The following NCKAP1L variants were observed in gnomAD, a reference collection of about 807,000 sequenced individuals.
NCKAP1L encodes nck-associated protein 1-like.
A neutral mutation model predicts 139.2 loss-of-function variants in NCKAP1L; 53 were observed. The ratio of observed to expected loss-of-function variants is 0.38; its 90% CI spans 0.31 to 0.48. The LOEUF (loss-of-function observed/expected upper bound fraction) is 0.48, where lower values mean the gene tolerates loss of function less well. Ranked by LOEUF, NCKAP1L falls within the 20% of genes least tolerant of loss-of-function variation. The probability of loss-of-function intolerance (pLI) is 0.98; values close to 1 mark genes in which losing one functional copy is unlikely to be tolerated. For synonymous variants in NCKAP1L, 468 were observed against 499.7 expected, an observed-to-expected ratio of 0.94 and a Z score of 0.85; for missense variants, 1,151 against 1,381.9, an observed-to-expected ratio of 0.83 and a Z score of 2.65.
intron 3 of NCKAP1L, among the ~76,000 whole-genome samples, chr12:54,506,883 G>A (rs1364417029): frequency 7.0e-6 from 1 of 142,942 alleles, no homozygotes. Context: ...CAGTGGAGAA[G>A]GCTAGGAACT....
intron 29 of NCKAP1L, among the ~76,000 whole-genome samples, chr12:54,537,635 A>G (rs1490405969): frequency 6.6e-6 from 1 of 152,214 alleles, no homozygotes; most frequent in Admixed American, 6.5e-5. Context: ...CTCTGTATGG[A>G]CAAATGATCA....
intron 26 of NCKAP1L, among the ~76,000 whole-genome samples, 192 bp from the exon 27 acceptor site, chr12:54,534,912 G>C (rs1478161630): frequency 6.6e-6 from 1 of 152,004 alleles, no homozygotes; most frequent in African/African-American, 2.4e-5. Flanking sequence ...TGAGGTAGGA[G>C]GATTTCTTGA....
chr12:54,526,563 C>A lies in NCKAP1L; in HGVS notation c.2192C>A (p.Thr731Asn). 6.2e-7 allele frequency: 1 copy of A among 1,614,008 alleles called. No homozygotes were observed. Among genetic ancestry groups the A allele is most frequent in the Non-Finnish European group, 8.5e-7 (1 of 1,179,994 alleles). The change falls in exon 21 of 31, where the codon ACC (threonine) becomes AAC (asparagine). Residue 731 changes from threonine (T) to asparagine (N), a missense_variant. Physicochemically the swap from Thr to Asn is moderately conservative, Grantham distance 65. Transcript: ENST00000293373. The stretch of plus-strand genomic sequence containing the variant: ...TGGCTGGCTGGCTACAATGCCACGA[C>A]CCAGGAGATCGTACGGCCTTCTGAG... ...IVWLAGYNAT[T>N]QEIVRPSELL...
rs2120994257 is a variant in NCKAP1L at position 54,545,995 on chromosome 12, A to C, written c.*3310A>C. On this transcript the variant is annotated 3_prime_UTR_variant, in exon 31 of 31. Coordinates refer to ENST00000293373, the MANE Select transcript of NCKAP1L (RefSeq NM_005337.5). ...CTGTAATCCCAGCACTTTGGGAGGCAGGCGGATCGCTTGAACTCAGGAGTT... is the reference window on the plus strand; with the variant it reads ...CTGTAATCCCAGCACTTTGGGAGGCCGGCGGATCGCTTGAACTCAGGAGTT... 6.6e-6 allele frequency: 1 copy of C among 152,322 alleles called. No individual in the cohort carries two copies. The highest frequency in any genetic ancestry group is 1.5e-5 in the Non-Finnish European group (1 of 68,062). The allele number at this position is 152,322 out of a possible 1,614,324, so 9.4% of individuals were successfully genotyped here.
At chr12:54,516,416 C>A in intron 10 of NCKAP1L, 121 bp downstream of exon 10, 1 of 844,950 alleles carries the variant, frequency 1.2e-6, no homozygotes, top group Non-Finnish European at 1.9e-6. Flanking sequence ...CAAGAACTTG[C>A]TGCTACCCCA....
Position 54,539,530 on chromosome 12 carries a change from T to C in NCKAP1L, c.3273+557T>C, listed in dbSNP as rs537504636. ...TCCCAAGCTGTGGGCTTCTCTCTAC[T>C]CTGGCAGAAAGTTTTGGGAACTCTG... On this transcript the variant is annotated intron_variant, in intron 30 of 30. Transcript: ENST00000293373. Among the ~76,000 whole-genome samples, 4 of 152,340 alleles carry C rather than the reference T, an allele frequency of 2.6e-5. No homozygotes were observed. The East Asian group carries it at 7.7e-4, about 29-fold the overall frequency.
intron 22 of NCKAP1L, among the ~76,000 whole-genome samples, chr12:54,528,751 G>A (rs1228348558): frequency 2.0e-5 from 3 of 151,578 alleles, no homozygotes; most frequent in African/African-American, 4.8e-5. Flanking sequence ...TCAGCCTCCC[G>A]AATAGCTGGG....
intron 29 of NCKAP1L, among the ~76,000 whole-genome samples, chr12:54,538,417 G>C (rs1004062134): frequency 2.6e-5 from 4 of 152,172 alleles, no homozygotes; most frequent in African/African-American, 4.8e-5. Flanking sequence ...TGATCCTTTG[G>C]GGGTTTGGGG....
intron 28 of NCKAP1L, 110 bp downstream of exon 28, chr12:54,536,355 TTC>T: frequency 1.2e-6 from 1 of 843,904 alleles, no homozygotes; most frequent in South Asian, 1.5e-5. Context: ...GGGTGTAAAG[TTC>T]TGTTTCAAAA....
At position 54,543,929 on chromosome 12, in the gene NCKAP1L, A is replaced by C. The variant is rs1006873866; in HGVS notation, c.*1244A>C. ...TAATTAGGGTCATGTCCATACTTTCATGATGAAAGGGAAGCAGTTGTCGGT... is the reference window on the plus strand; with the variant it reads ...TAATTAGGGTCATGTCCATACTTTCCTGATGAAAGGGAAGCAGTTGTCGGT... On this transcript the variant is annotated 3_prime_UTR_variant, in exon 31 of 31. Coordinates refer to ENST00000293373, the MANE Select transcript of NCKAP1L (RefSeq NM_005337.5). 1 of 152,210 alleles carries C rather than the reference A, an allele frequency of 6.6e-6. No individual in the cohort carries two copies. The highest frequency in any genetic ancestry group is 2.4e-5 in the African/African-American group (1 of 41,442). 9.4% of individuals were successfully genotyped at this position (152,210 alleles called of 1,614,324 possible).
At chr12:54,503,604 C>CAT (rs958876651) in intron 3 of NCKAP1L, among the ~76,000 whole-genome samples, 117 of 149,516 alleles carry the variant, frequency 7.8e-4, no homozygotes, top group Admixed American at 2.6e-3. Context: ...AGTATACACA[C>CAT]ATATATATAT....
At chr12:54,521,348 G>A (rs889260625) in intron 18 of NCKAP1L, 110 bp downstream of exon 18, 7 of 1,470,820 alleles carry the variant, frequency 4.8e-6, no homozygotes, top group Non-Finnish European at 6.5e-6. Context: ...CTCTTTCTCT[G>A]AAGTAGGGCT....
At chr12:54,511,144 C>T (rs1435000696) in intron 7 of NCKAP1L, among the ~76,000 whole-genome samples, 1 of 152,154 alleles carries the variant, frequency 6.6e-6, no homozygotes, top group Non-Finnish European at 1.5e-5. Flanking sequence ...AAAGGATTAA[C>T]CATCACAGGG....
intron 30 of NCKAP1L, among the ~76,000 whole-genome samples, chr12:54,540,413 G>C (rs1365960640): frequency 6.6e-6 from 1 of 152,180 alleles, no homozygotes; most frequent in Non-Finnish European, 1.5e-5. Context: ...AGGCAAGAGG[G>C]CAGAGGAGGT....
chr12:54,502,129 T>C (rs1469124517), intron 3 of NCKAP1L, among the ~76,000 whole-genome samples: 1 of 152,362 alleles, frequency 6.6e-6, no homozygotes, highest in South Asian at 2.1e-4. Flanking sequence ...AGGTTGAGTA[T>C]TCCTTATGGA....
Position 54,517,092 on chromosome 12 carries a change from A to G in NCKAP1L, c.1095+100A>G, listed in dbSNP as rs912712224. ...ATTTTGCCTTTCTGAGTCTTTTGTC[A>G]TTCATTTGTATGTATATATGCGATT... On this transcript the variant is annotated intron_variant, in intron 11 of 30. Transcript: ENST00000293373. The G allele has an allele frequency of 3.5e-5, 33 of 932,686 alleles. No homozygotes were observed. In the Admixed American group the frequency reaches 6.4e-4, roughly 18 times the overall value. 57.8% of individuals were successfully genotyped at this position (932,686 alleles called of 1,614,324 possible).
In NCKAP1L at chr12:54,497,830, A is replaced by G. The variant is rs1336422506; in HGVS notation, c.41A>G (p.Lys14Arg). Residue 14 changes from lysine (K) to arginine (R), a missense_variant, in exon 1 of 31, where the codon AAG (lysine) becomes AGG (arginine). Transcript: ENST00000293373. ...TSAYQHKLAE[K>R]LTILNDRGQG... is the part of the protein sequence containing the mutation. ...GCTTACCAGCATAAATTAGCAGAGAAGCTCACTATCCTGAATGATCGCGGT... is the reference window on the plus strand; with the variant it reads ...GCTTACCAGCATAAATTAGCAGAGAGGCTCACTATCCTGAATGATCGCGGT... The G allele has an allele frequency of 6.2e-7, 1 of 1,613,924 alleles. No homozygotes were observed. Among genetic ancestry groups the G allele is most frequent in the East Asian group, 2.2e-5 (1 of 44,888 alleles).
At chr12:54,504,497 C>A (rs1332972348) in intron 3 of NCKAP1L, among the ~76,000 whole-genome samples, 1 of 152,176 alleles carries the variant, frequency 6.6e-6, no homozygotes, top group Non-Finnish European at 1.5e-5. Context: ...AAGTCTCTTA[C>A]TGAGAAAAGT....
At chr12:54,516,769 C>T (rs182943398) in intron 10 of NCKAP1L, 127 bp from the exon 11 acceptor site, 1 of 797,054 alleles carries the variant, frequency 1.3e-6, no homozygotes, top group Non-Finnish European at 2.0e-6. Context: ...TAAACCAAGT[C>T]TAACTTGAGC....
Sources: gnomAD v4.1 joint callset for allele counts (sites outside exome capture counted in the v4.1 genomes callset) on GRCh38, gnomAD v4.1.1 for gene constraint, MANE v1.5 for transcripts, NCBI Gene and HGNC (gene_info 2026-07-23, HGNC 2026-07-21) for gene names.